The following PDE8B variants were observed in gnomAD, a reference collection of about 807,000 sequenced individuals.
The protein encoded by PDE8B is phosphodiesterase 8B.
PDE8B carries 26 observed loss-of-function variants against 101.3 expected under a neutral mutation model. The ratio of observed to expected loss-of-function variants is 0.26; its 90% CI spans 0.19 to 0.36. The LOEUF (loss-of-function observed/expected upper bound fraction) is 0.36, where lower values mean the gene tolerates loss of function less well. Among genes scored for constraint, PDE8B ranks in the 10% least tolerant of loss-of-function variants. The probability of loss-of-function intolerance (pLI) is 1.00; values close to 1 mark genes in which losing one functional copy is unlikely to be tolerated. For synonymous variants in PDE8B, 424 were observed against 429.3 expected, an observed-to-expected ratio of 0.99 and a Z score of 0.15; for missense variants, 810 against 1,163.1, an observed-to-expected ratio of 0.70 and a Z score of 4.42.
At chr5:77,114,681 T>C in the PDE8B span, 3 of 152,170 alleles carry the variant, frequency 2.0e-5, no homozygotes, top group Non-Finnish European at 2.9e-5. Flanking sequence ...GATTTAAACA[T>C]TTTAAAATCT....
chr5:77,358,601 A>T (rs931148623), intron 10 of PDE8B: 8 of 204,476 alleles, frequency 3.9e-5, no homozygotes, highest in Non-Finnish European at 6.9e-5. Context: ...GAAATTAAAG[A>T]TGCAACTTCT....
upstream of PDE8B, among the ~76,000 whole-genome samples, chr5:77,209,501 C>T (rs370058962): frequency 2.6e-4 from 39 of 152,296 alleles, no homozygotes; most frequent in African/African-American, 8.7e-4. Flanking sequence ...TTTATCTCCC[C>T]GTGCCATTGT....
intron 10 of PDE8B, among the ~76,000 whole-genome samples, chr5:77,390,962 A>G (rs1789780340): frequency 6.6e-6 from 1 of 152,144 alleles, no homozygotes; most frequent in Admixed American, 6.5e-5. Context: ...TCATGATTAG[A>G]CTGCAGATGT....
chr5:77,371,788 A>G (rs903166443), intron 10 of PDE8B, among the ~76,000 whole-genome samples: 2 of 152,180 alleles, frequency 1.3e-5, no homozygotes, highest in African/African-American at 4.8e-5. Flanking sequence ...TTCAGTATAG[A>G]AGTCTTGCAT....
At chr5:77,222,006 A>G (rs1488867171) in intron 1 of PDE8B, among the ~76,000 whole-genome samples, 1 of 152,190 alleles carries the variant, frequency 6.6e-6, no homozygotes, top group East Asian at 1.9e-4. Context: ...GGCCCCAAAC[A>G]TCATGGAGCT....
intron 1 of PDE8B, among the ~76,000 whole-genome samples, chr5:77,301,963 C>T (rs1770048769): frequency 6.6e-6 from 1 of 152,148 alleles, no homozygotes; most frequent in Admixed American, 6.5e-5. Context: ...TGCTGGCCTC[C>T]TTTGGGTACT....
At chr5:77,348,044 A>T (rs1209897829) in intron 7 of PDE8B, among the ~76,000 whole-genome samples, 2 of 152,048 alleles carry the variant, frequency 1.3e-5, no homozygotes, top group Admixed American at 6.5e-5. Context: ...TCAGTCACCC[A>T]CCAAAGGCCT....
the PDE8B span, among the ~76,000 whole-genome samples, chr5:77,156,251 CTGATAGG>C: frequency 6.6e-6 from 1 of 152,048 alleles, no homozygotes; most frequent in Non-Finnish European, 1.5e-5. Flanking sequence ...AGGTAGAAGG[CTGATAGG>C]TTGTTGGTGC....
the PDE8B span, among the ~76,000 whole-genome samples, chr5:77,133,609 A>G: frequency 6.6e-6 from 1 of 152,188 alleles, no homozygotes; most frequent in Non-Finnish European, 1.5e-5. Context: ...AGAAAATGGT[A>G]ATCTGTGTTT....
intron 1 of PDE8B, among the ~76,000 whole-genome samples, chr5:77,253,636 C>T (rs185602431): frequency 4.2e-4 from 64 of 152,248 alleles, no homozygotes; most frequent in Non-Finnish European, 3.8e-4. Flanking sequence ...CTTCATTTGA[C>T]GTTACCCTCC....
At chr5:77,154,036 C>CT in the PDE8B span, among the ~76,000 whole-genome samples, 4 of 152,248 alleles carry the variant, frequency 2.6e-5, no homozygotes, top group East Asian at 7.7e-4. Flanking sequence ...AGCCATAAAG[C>CT]TTTTTTTGCT....
chr5:77,363,814 C>G (rs1205428300), intron 10 of PDE8B, among the ~76,000 whole-genome samples: 1 of 151,928 alleles, frequency 6.6e-6, no homozygotes, highest in Non-Finnish European at 1.5e-5. Flanking sequence ...CATGGCTGGT[C>G]CCCTCAATGT....
intron 2 of PDE8B, among the ~76,000 whole-genome samples, chr5:77,316,756 A>G (rs1042386755): frequency 1.3e-5 from 2 of 152,186 alleles, no homozygotes; most frequent in African/African-American, 4.8e-5. Context: ...CTCATAACCT[A>G]TGAAACATAA....
At chr5:77,183,585 C>T in the PDE8B span, among the ~76,000 whole-genome samples, 15 of 152,196 alleles carry the variant, frequency 9.9e-5, no homozygotes, top group African/African-American at 3.4e-4. Flanking sequence ...TACTACGTGT[C>T]AGATGCTTTA....
At chr5:77,191,725 T>C in the PDE8B span, among the ~76,000 whole-genome samples, 1 of 152,186 alleles carries the variant, frequency 6.6e-6, no homozygotes, top group Admixed American at 6.5e-5. Context: ...GAAGACAATA[T>C]TTCCACAGAT....
At chr5:77,271,845 G>A (rs543432561) in intron 1 of PDE8B, among the ~76,000 whole-genome samples, 6 of 152,270 alleles carry the variant, frequency 3.9e-5, no homozygotes, top group African/African-American at 9.6e-5. Context: ...TGAGAAAACC[G>A]AGGCTTATAA....
At chr5:77,411,598 T>C (rs1794568414) in intron 14 of PDE8B, 78 bp from the exon 15 acceptor site, 1 of 1,208,952 alleles carries the variant, frequency 8.3e-7, no homozygotes, top group East Asian at 2.5e-5. Flanking sequence ...TTCAAATCTC[T>C]TTCACTAATA....
chr5:77,203,640 C>G, the PDE8B span, among the ~76,000 whole-genome samples: 2 of 152,144 alleles, frequency 1.3e-5, no homozygotes, highest in Non-Finnish European at 2.9e-5. Context: ...TCTATCACAT[C>G]AACATATTTT....
chr5:77,383,358 T>G (rs61497889), intron 10 of PDE8B, among the ~76,000 whole-genome samples: 13,798 of 152,230 alleles, frequency 0.091, 1,983 homozygotes, highest in African/African-American at 0.31. Context: ...ATGGATAGAT[T>G]ACAAAAATTT....
Sources: allele counts gnomAD v4.1 joint callset (sites outside exome capture counted in the v4.1 genomes callset), GRCh38; gene constraint gnomAD v4.1.1; transcripts MANE v1.5; gene names NCBI Gene and HGNC (gene_info 2026-07-23, HGNC 2026-07-21).